Variants in LSAMP observed in about 807,000 individuals in gnomAD.
The protein encoded by LSAMP is limbic system-associated membrane protein.
In LSAMP, 7 loss-of-function variants were observed where a neutral mutation model predicts 38.6. The ratio of observed to expected loss-of-function variants is 0.18; its 90% CI spans 0.10 to 0.34. The LOEUF (loss-of-function observed/expected upper bound fraction) is 0.34, where lower values mean the gene tolerates loss of function less well. Ranked by LOEUF, LSAMP falls within the 10% of genes least tolerant of loss-of-function variation. LSAMP has a pLI of 1.00. For synonymous variants in LSAMP, 154 were observed against 166.8 expected (o/e 0.92, Z 0.59); for missense variants, 313 against 420.0 (o/e 0.75, Z 2.23).
At chr3:115,862,690 CAG>C in intron 3 of LSAMP, among the ~76,000 whole-genome samples, 1 of 152,274 alleles carries the variant, frequency 6.6e-6, no homozygotes, top group Middle Eastern at 3.4e-3. Flanking sequence ...GTGGGTAGCT[CAG>C]GGGTCAAAAC....
chr3:115,930,634 C>G (rs1559885591), intron 3 of LSAMP, among the ~76,000 whole-genome samples: 1 of 152,204 alleles, frequency 6.6e-6, no homozygotes, highest in South Asian at 2.1e-4. Context: ...GATCATCCAA[C>G]AGCCTACAAT....
At chr3:116,131,234 G>T (rs139249643) in intron 1 of LSAMP, among the ~76,000 whole-genome samples, 1 of 151,746 alleles carries the variant, frequency 6.6e-6, no homozygotes, top group Admixed American at 6.6e-5. Flanking sequence ...CTCATGATCC[G>T]CCCACCTTGG....
chr3:115,964,461 T>C (rs1021844930), intron 3 of LSAMP, among the ~76,000 whole-genome samples: 1 of 152,192 alleles, frequency 6.6e-6, no homozygotes, highest in Non-Finnish European at 1.5e-5. Context: ...GGTGAAGTGT[T>C]AGTAAGCATT....
At chr3:115,818,821 T>TATATATATATATATATAA (rs1172422801) in intron 6 of LSAMP, among the ~76,000 whole-genome samples, 3 of 124,224 alleles carry the variant, frequency 2.4e-5, no homozygotes, top group Admixed American at 8.5e-5. Context: ...TATATATATA[T>TATATATATATATATATAA]AACTGCAGCA....
intron 2 of LSAMP, among the ~76,000 whole-genome samples, chr3:116,085,749 T>A (rs1374454453): frequency 6.6e-6 from 1 of 152,222 alleles, no homozygotes; most frequent in East Asian, 1.9e-4. Context: ...TTGTCCCCAA[T>A]TACTTTGCAG....
chr3:116,213,247 T>C (rs1214918399), intron 1 of LSAMP, among the ~76,000 whole-genome samples: 2 of 152,210 alleles, frequency 1.3e-5, no homozygotes, highest in Non-Finnish European at 2.9e-5. Flanking sequence ...TGCCCATATG[T>C]TGTAGGAGGA....
chr3:116,254,153 T>G (rs1417765733), intron 1 of LSAMP, among the ~76,000 whole-genome samples: 1 of 152,136 alleles, frequency 6.6e-6, no homozygotes, highest in Non-Finnish European at 1.5e-5. Context: ...CCCAACTTCT[T>G]GTACCATCCA....
At chr3:115,976,387 T>A (rs974715557) in intron 3 of LSAMP, among the ~76,000 whole-genome samples, 1 of 152,154 alleles carries the variant, frequency 6.6e-6, no homozygotes, top group Non-Finnish European at 1.5e-5. Context: ...AAATCGCTAA[T>A]ATTTTTGGAG....
chr3:115,927,690 G>A (rs1316207343), intron 3 of LSAMP, among the ~76,000 whole-genome samples: 1 of 152,016 alleles, frequency 6.6e-6, no homozygotes, highest in South Asian at 2.1e-4. Flanking sequence ...TAAACATGCC[G>A]GGCATATGCT....
At chr3:115,902,530 G>T (rs1388641655) in intron 3 of LSAMP, among the ~76,000 whole-genome samples, 2 of 152,114 alleles carry the variant, frequency 1.3e-5, no homozygotes, top group Middle Eastern at 3.4e-3. Flanking sequence ...CACAGCAAAA[G>T]AAACTATCAA....
intron 1 of LSAMP, among the ~76,000 whole-genome samples, chr3:116,108,626 T>G (rs939509139): frequency 6.6e-6 from 1 of 152,160 alleles, no homozygotes; most frequent in Non-Finnish European, 1.5e-5. Flanking sequence ...CAGAGAGCCT[T>G]GGGCCAGAGT....
intron 1 of LSAMP, among the ~76,000 whole-genome samples, chr3:116,339,282 AT>A (rs35664180): frequency 0.015 from 2,156 of 144,370 alleles, 29 homozygotes; most frequent in African/African-American, 0.04. Context: ...CCTTATATAG[AT>A]TTTTTTTTTT....
At chr3:116,134,319 T>G (rs1709199228) in intron 1 of LSAMP, among the ~76,000 whole-genome samples, 1 of 152,152 alleles carries the variant, frequency 6.6e-6, no homozygotes, top group Non-Finnish European at 1.5e-5. Flanking sequence ...AACTTTATTA[T>G]AAATCACCAC....
chr3:116,135,544 T>C (rs1265892797), intron 1 of LSAMP, among the ~76,000 whole-genome samples: 3 of 152,142 alleles, frequency 2.0e-5, no homozygotes, highest in Non-Finnish European at 4.4e-5. Context: ...CAGAAACCAC[T>C]AGACTAGGCC....
chr3:116,188,096 G>A (rs1710666778), intron 1 of LSAMP, among the ~76,000 whole-genome samples: 1 of 151,996 alleles, frequency 6.6e-6, no homozygotes, highest in Non-Finnish European at 1.5e-5. Context: ...AAAACAACAG[G>A]CCCTTTCAAA....
intron 1 of LSAMP, among the ~76,000 whole-genome samples, chr3:116,423,101 A>T (rs1017487292): frequency 6.6e-6 from 1 of 152,262 alleles, no homozygotes; most frequent in Admixed American, 6.5e-5. Context: ...AAAGGTATAA[A>T]CAAACAGATT....
chr3:116,310,360 T>G (rs1028440049), intron 1 of LSAMP, among the ~76,000 whole-genome samples: 1 of 152,192 alleles, frequency 6.6e-6, no homozygotes, highest in African/African-American at 2.4e-5. Context: ...AAACTGCTCT[T>G]GCAAAACTAA....
chr3:116,423,948 A>G (rs1450067044), intron 1 of LSAMP, among the ~76,000 whole-genome samples: 2 of 152,236 alleles, frequency 1.3e-5, no homozygotes, highest in Non-Finnish European at 2.9e-5. Flanking sequence ...AATTTAAGAC[A>G]AGAATGAACC....
intron 3 of LSAMP, among the ~76,000 whole-genome samples, chr3:116,016,613 A>C (rs1190129022): frequency 4.6e-5 from 7 of 152,176 alleles, no homozygotes; most frequent in African/African-American, 1.7e-4. Context: ...CTAATAGAAA[A>C]TATTTTACAT....
Sources: gnomAD v4.1 joint callset for allele counts (sites outside exome capture counted in the v4.1 genomes callset) on GRCh38, gnomAD v4.1.1 for gene constraint, MANE v1.5 for transcripts, NCBI Gene and HGNC (gene_info 2026-07-23, HGNC 2026-07-21) for gene names.